The following USP34 variants were observed in gnomAD, a reference collection of about 807,000 sequenced individuals.
The protein encoded by USP34 is ubiquitin carboxyl-terminal hydrolase 34.
USP34 carries 70 observed loss-of-function variants against 460.3 expected under a neutral mutation model. The observed-to-expected ratio is 0.15, with a 90% CI of 0.13 to 0.19. The LOEUF is 0.19. Among genes scored for constraint, USP34 ranks in the 10% least tolerant of loss-of-function variants. The probability of loss-of-function intolerance (pLI) is 1.00; values close to 1 mark genes in which losing one functional copy is unlikely to be tolerated. For missense variants in USP34, 3,985 were observed against 4,236.2 expected (o/e 0.94, Z 1.65); for synonymous variants, 1,647 against 1,405.3 (o/e 1.17, Z -3.85).
At chr2:61,295,685 A>T (rs1393815546) in intron 30 of USP34, among the ~76,000 whole-genome samples, 1 of 152,198 alleles carries the variant, frequency 6.6e-6, no homozygotes, top group Non-Finnish European at 1.5e-5. Context: ...ACTCAGGAAC[A>T]CTGCTGTTTT....
chr2:61,304,924 C>T (rs572867510), intron 27 of USP34, among the ~76,000 whole-genome samples: 35 of 152,238 alleles, frequency 2.3e-4, no homozygotes, highest in Non-Finnish European at 4.7e-4. Flanking sequence ...AAAAAAATAG[C>T]ATTTCAAGAC....
chr2:61,462,163 C>T (rs760779349), intron 1 of USP34, among the ~76,000 whole-genome samples: 10 of 151,258 alleles, frequency 6.6e-5, no homozygotes, highest in Non-Finnish European at 1.3e-4. Context: ...CGCTTGAACC[C>T]GGGAGGCGGA....
At chr2:61,319,351 T>C (rs1690843578) in intron 21 of USP34, 24 bp from the exon 22 acceptor site, 5 of 1,480,368 alleles carry the variant, frequency 3.4e-6, no homozygotes, top group Middle Eastern at 2.2e-4. Context: ...ATAAATTTTA[T>C]ACTTTATTAA....
intron 8 of USP34, among the ~76,000 whole-genome samples, chr2:61,375,496 G>A (rs577194615): frequency 5.2e-4 from 79 of 152,162 alleles, no homozygotes; most frequent in African/African-American, 1.5e-3. Flanking sequence ...CAGGCGGGGC[G>A]CGGTGGCTCA....
At chr2:61,336,499 A>G (rs1691420667) in intron 18 of USP34, among the ~76,000 whole-genome samples, 1 of 151,544 alleles carries the variant, frequency 6.6e-6, no homozygotes, top group East Asian at 1.9e-4. Flanking sequence ...AGTAACAAAT[A>G]GGCACAAAGA....
chr2:61,309,484 T>C (rs1211133787), intron 27 of USP34, among the ~76,000 whole-genome samples: 1 of 152,152 alleles, frequency 6.6e-6, no homozygotes, highest in East Asian at 1.9e-4. Context: ...TTTGGAAAAA[T>C]GCATTGAGGG....
At chr2:61,251,391 C>G (rs1361470436) in intron 48 of USP34, among the ~76,000 whole-genome samples, 1 of 152,174 alleles carries the variant, frequency 6.6e-6, no homozygotes, top group African/African-American at 2.4e-5. Flanking sequence ...TTATATTACA[C>G]TATTGTAGAA....
Position 61,370,424 on chromosome 2 carries a change from A to G in USP34, c.1159-11T>C, listed in dbSNP as rs760079267. The G allele has an allele frequency of 6.2e-7, 1 of 1,613,726 alleles. No individual in the cohort carries two copies. Among genetic ancestry groups the G allele is most frequent in the Non-Finnish European group, 8.5e-7 (1 of 1,179,868 alleles). Reference sequence around the variant, plus strand: ...GCACTGTTTGATAATCTGGAAAAGAAAAACTTAATATCAATTTTTAAAAAT... The same window carrying G: ...GCACTGTTTGATAATCTGGAAAAGAGAAACTTAATATCAATTTTTAAAAAT... On this transcript the variant is annotated splice_polypyrimidine_tract_variant and intron_variant, in intron 9 of 79. Transcript: ENST00000398571.
intron 34 of USP34, 42 bp downstream of exon 34, chr2:61,288,635 A>C: frequency 6.3e-7 from 1 of 1,588,670 alleles, no homozygotes; most frequent in Non-Finnish European, 8.6e-7. Flanking sequence ...GTTTATAAAA[A>C]TAAATGGAAT....
At chr2:61,274,408 G>C (rs1200973859) in intron 41 of USP34, among the ~76,000 whole-genome samples, 1 of 123,424 alleles carries the variant, frequency 8.1e-6, no homozygotes, top group African/African-American at 3.1e-5. Flanking sequence ...AAATAAATAA[G>C]AAACAAGCAT....
chr2:61,402,630 G>C (rs1464781128), intron 3 of USP34, among the ~76,000 whole-genome samples: 3 of 152,126 alleles, frequency 2.0e-5, no homozygotes, highest in Non-Finnish European at 4.4e-5. Flanking sequence ...ACTAACACAT[G>C]AGTTTTGAAT....
At chr2:61,382,842 G>A (rs376547804) in intron 6 of USP34, among the ~76,000 whole-genome samples, 29 of 152,122 alleles carry the variant, frequency 1.9e-4, no homozygotes, top group African/African-American at 7.0e-4. Flanking sequence ...AGCCACCTTT[G>A]CTGCTATTTA....
At chr2:61,193,668 T>C (rs914281698) in intron 75 of USP34, among the ~76,000 whole-genome samples, 1 of 152,178 alleles carries the variant, frequency 6.6e-6, no homozygotes, top group African/African-American at 2.4e-5. Flanking sequence ...AGAAGCTTCA[T>C]TACCACAGTC....
chr2:61,303,054 A>C (rs1286754225), intron 27 of USP34, among the ~76,000 whole-genome samples: 1 of 152,068 alleles, frequency 6.6e-6, no homozygotes, highest in African/African-American at 2.4e-5. Flanking sequence ...CATTTTACAA[A>C]GACCTCATAT....
At chr2:61,466,877 C>T (rs1243500325) in intron 1 of USP34, among the ~76,000 whole-genome samples, 1 of 150,118 alleles carries the variant, frequency 6.7e-6, no homozygotes, top group Non-Finnish European at 1.5e-5. Flanking sequence ...GCATTCCAGC[C>T]TGGGTGAGAG....
intron 78 of USP34, 81 bp downstream of exon 78, chr2:61,190,188 CGA>C: frequency 6.7e-7 from 1 of 1,495,654 alleles, no homozygotes; most frequent in Non-Finnish European, 8.9e-7. Flanking sequence ...GTTAAAGTTA[CGA>C]GAGTAAAATC....
chr2:61,400,533 G>A (rs1693684505), intron 3 of USP34, among the ~76,000 whole-genome samples: 1 of 152,128 alleles, frequency 6.6e-6, no homozygotes, highest in Admixed American at 6.6e-5. Context: ...AGTGATAATT[G>A]TACAACGTTG....
chr2:61,337,129 G>A (rs371316250), intron 18 of USP34, among the ~76,000 whole-genome samples: 1 of 152,070 alleles, frequency 6.6e-6, no homozygotes, highest in Non-Finnish European at 1.5e-5. Flanking sequence ...ATCAAGAAAC[G>A]AATCAGTATC....
chr2:61,381,790 C>A (rs1692983445), intron 6 of USP34, among the ~76,000 whole-genome samples: 1 of 152,156 alleles, frequency 6.6e-6, no homozygotes. Context: ...TTTACACTCA[C>A]AACTCTTACA....
Sources: gnomAD v4.1 joint callset for allele counts (sites outside exome capture counted in the v4.1 genomes callset) on GRCh38, gnomAD v4.1.1 for gene constraint, MANE v1.5 for transcripts, NCBI Gene and HGNC (gene_info 2026-07-23, HGNC 2026-07-21) for gene names.